MYCBP2: variants seen among roughly 807,000 people sequenced by gnomAD.
The protein encoded by MYCBP2 is E3 ubiquitin-protein ligase MYCBP2.
Under a neutral mutation model 525.3 loss-of-function variants are expected in MYCBP2, and 120 were observed. The ratio of observed to expected loss-of-function variants is 0.23; its 90% CI spans 0.20 to 0.27. The LOEUF (loss-of-function observed/expected upper bound fraction) is 0.27. Among genes scored for constraint, MYCBP2 ranks in the 10% least tolerant of loss-of-function variants. The probability of loss-of-function intolerance (pLI) is 1.00; values close to 1 mark genes in which losing one functional copy is unlikely to be tolerated. For synonymous variants in MYCBP2, 1,894 were observed against 1,955.8 expected (o/e 0.97, Z 0.83); for missense variants, 4,149 against 5,657.1 (o/e 0.73, Z 8.55).
chr13:77,161,778 T>A, intron 44 of MYCBP2, 128 bp downstream of exon 44: 1 of 684,924 alleles, frequency 1.5e-6, no homozygotes, highest in South Asian at 2.1e-5. Flanking sequence ...TTTATCTCTA[T>A]AATGCCAATG....
rs776869495 is a variant in MYCBP2, at chr13:77,168,480, G to T, written c.6062C>A (p.Ala2021Asp). The T allele has an allele frequency of 6.2e-6, 10 of 1,614,044 alleles. No individual in the cohort carries two copies. The highest frequency in any genetic ancestry group is 8.5e-6 in the Non-Finnish European group (10 of 1,180,010). The part of the protein sequence containing the change: ...LSACTTSSHY[A>D]VIESEHPYKP... The stretch of plus-strand genomic sequence containing the variant: ...ATACGGGTGCTCACTCTCTATGACA[G>T]CATAGTGACTGGAGGTTGTACAAGC... The change falls in exon 40 of 83, where the codon GCT becomes GAT. Residue 2021 changes from alanine (A) to aspartate (D), a missense_variant. This residue lies in a region of MYCBP2 where 692 missense variants were observed against 852.7 expected (regional missense o/e 0.81). Transcript: ENST00000544440.
In MYCBP2 at chr13:77,095,340, A is replaced by G; in HGVS notation, c.10199+18T>C. 6.2e-7 allele frequency: 1 copy of G among 1,612,324 alleles called. No homozygotes were observed. The highest frequency in any genetic ancestry group is 8.5e-7 in the Non-Finnish European group (1 of 1,179,106). On this transcript the variant is annotated intron_variant, in intron 58 of 82. Coordinates refer to ENST00000544440, the MANE Select transcript of MYCBP2 (RefSeq NM_015057.5). ...TTAATCCAAAGGTGATTAAAAAACA[A>G]CAGCAAAATTTTATTACCTAGCTAA...
chr13:77,161,282 T>C (rs2057885124), intron 44 of MYCBP2, among the ~76,000 whole-genome samples: 1 of 152,252 alleles, frequency 6.6e-6, no homozygotes, highest in Admixed American at 6.5e-5. Context: ...AATATTAGGT[T>C]GACGTAACAG....
chr13:77,146,901 A>G (rs1378582545), intron 47 of MYCBP2, among the ~76,000 whole-genome samples: 1 of 152,178 alleles, frequency 6.6e-6, no homozygotes, highest in African/African-American at 2.4e-5. Context: ...CTAAGTATGT[A>G]TCTTACAGAA....
At chr13:77,193,076 T>G (rs770738468) in intron 27 of MYCBP2, among the ~76,000 whole-genome samples, 1 of 151,788 alleles carries the variant, frequency 6.6e-6, no homozygotes, top group Non-Finnish European at 1.5e-5. Context: ...TTGCAGTGAG[T>G]TGAGATCACA....
intron 73 of MYCBP2, 63 bp downstream of exon 73, chr13:77,064,552 T>C: frequency 6.7e-7 from 1 of 1,490,158 alleles, no homozygotes; most frequent in Non-Finnish European, 9.0e-7. Flanking sequence ...AATCTATTAC[T>C]AAAAAAGAAC....
chr13:77,167,999 T>TTA (rs2058720903), intron 40 of MYCBP2, among the ~76,000 whole-genome samples: 1 of 152,224 alleles, frequency 6.6e-6, no homozygotes, highest in Admixed American at 6.5e-5. Context: ...TATAAACATT[T>TTA]TATACATAGT....
At chr13:77,225,639 C>T in intron 18 of MYCBP2, 85 bp from the exon 19 acceptor site, 1 of 1,512,818 alleles carries the variant, frequency 6.6e-7, no homozygotes, top group Non-Finnish European at 9.0e-7. Flanking sequence ...TATGGAAGAA[C>T]AAGAGAAAAA....
intron 2 of MYCBP2, among the ~76,000 whole-genome samples, chr13:77,292,625 T>C (rs765416209): frequency 1.3e-5 from 2 of 151,998 alleles, no homozygotes; most frequent in Non-Finnish European, 2.9e-5. Flanking sequence ...TCTGTGGTTG[T>C]CTACAGCCAG....
At chr13:77,285,514 C>T (rs918550110) in intron 3 of MYCBP2, among the ~76,000 whole-genome samples, 5 of 152,142 alleles carry the variant, frequency 3.3e-5, no homozygotes, top group Admixed American at 6.6e-5. Context: ...TGGCCAGGCA[C>T]GGTGACTCAC....
Position 77,203,050 on chromosome 13 carries a change from T to C in MYCBP2, c.3843+2206A>G, listed in dbSNP as rs1439025574. On this transcript the variant is annotated intron_variant, in intron 26 of 82. Transcript: ENST00000544440. ...GTGTTGGAAGTTCTGGCCAGGGCAATTAGGCAGGAGAAGGAAATAAAGGGT... is the reference window on the plus strand; with the variant it reads ...GTGTTGGAAGTTCTGGCCAGGGCAACTAGGCAGGAGAAGGAAATAAAGGGT... Among the ~76,000 whole-genome samples the C allele has an allele frequency of 1.7e-4, 25 of 151,362 alleles. No homozygotes were observed. The East Asian group carries it at 4.9e-3, about 30-fold the overall frequency.
intron 80 of MYCBP2, among the ~76,000 whole-genome samples, chr13:77,054,854 G>A (rs930400632): frequency 2.0e-5 from 3 of 152,052 alleles, no homozygotes; most frequent in Non-Finnish European, 2.9e-5. Flanking sequence ...GCCCACCTTG[G>A]CCTCCCAAAG....
chr13:77,231,077 A>T (rs1162579579), intron 18 of MYCBP2, among the ~76,000 whole-genome samples: 1 of 152,234 alleles, frequency 6.6e-6, no homozygotes, highest in Admixed American at 6.5e-5. Flanking sequence ...TAGGGTACCA[A>T]TTGATAAATT....
chr13:77,286,050 G>A (rs994001694), intron 3 of MYCBP2, among the ~76,000 whole-genome samples: 21 of 152,172 alleles, frequency 1.4e-4, no homozygotes, highest in African/African-American at 5.1e-4. Flanking sequence ...AGCTGAGTAA[G>A]TTCACAAAAC....
In MYCBP2 at chr13:77,090,266, G is replaced by A. The variant is rs2045160723; in HGVS notation, c.10368-3C>T. ...CAGTTATGGGACTGGTTTCTAAACTGTACATGGAACAATGCAACAGATACA... is the reference window on the plus strand; with the variant it reads ...CAGTTATGGGACTGGTTTCTAAACTATACATGGAACAATGCAACAGATACA... On this transcript the variant is annotated splice_region_variant and splice_polypyrimidine_tract_variant and intron_variant, in intron 59 of 82. Transcript: ENST00000544440. 6.2e-7 allele frequency: 1 copy of A among 1,605,350 alleles called. No individual in the cohort carries two copies. The highest frequency in any genetic ancestry group is 8.5e-7 in the Non-Finnish European group (1 of 1,175,644).
rs557783349 is a variant in MYCBP2, at chr13:77,095,401, G to C, written c.10156C>G (p.Leu3386Val). Residue 3386 changes from leucine (L) to valine (V), a missense_variant, in exon 58 of 83, where the codon CTT (leucine) becomes GTT (valine). Transcript: ENST00000544440. The stretch of plus-strand genomic sequence containing the variant: ...TAGAGACAAGGCATTTTCACAGGAA[G>C]ATCCTCAGAAATGCCTTCTTTTACA... ...PSVKEGISEDLPVKMPCLYLQ... is the reference protein window; with the variant it reads ...PSVKEGISEDVPVKMPCLYLQ... 4.2e-5 allele frequency: 68 copies of C among 1,613,296 alleles called. 1 individual carries two copies. The highest frequency in any genetic ancestry group is 5.5e-5 in the Non-Finnish European group (65 of 1,179,660).
At chr13:77,094,554 C>T (rs537506114) in intron 58 of MYCBP2, among the ~76,000 whole-genome samples, 1 of 152,296 alleles carries the variant, frequency 6.6e-6, no homozygotes, top group Admixed American at 6.5e-5. Context: ...GTGAACCAAT[C>T]ACTTTGAACG....
At chr13:77,086,580 T>C (rs1333815652) in intron 62 of MYCBP2, among the ~76,000 whole-genome samples, 14 of 152,136 alleles carry the variant, frequency 9.2e-5, no homozygotes. Context: ...GTAGGTAAGT[T>C]GTACATCATT....
At chr13:77,266,247 C>T (rs979289352) in intron 8 of MYCBP2, among the ~76,000 whole-genome samples, 1 of 152,126 alleles carries the variant, frequency 6.6e-6, no homozygotes, top group Non-Finnish European at 1.5e-5. Context: ...TCTTCTATGT[C>T]ATTATCCTAA....
Sources: allele counts gnomAD v4.1 joint callset (sites outside exome capture counted in the v4.1 genomes callset), GRCh38; gene constraint gnomAD v4.1.1; regional missense constraint gnomAD v4.1.1; transcripts MANE v1.5; gene names NCBI Gene and HGNC (gene_info 2026-07-23, HGNC 2026-07-21).